Variants in CPNE6 observed in about 807,000 individuals in gnomAD.
CPNE6 encodes copine-6.
CPNE6 carries 33 observed loss-of-function variants against 71.5 expected under a neutral mutation model. The observed-to-expected ratio is 0.46, with a 90% CI of 0.35 to 0.62. The LOEUF (loss-of-function observed/expected upper bound fraction) is 0.62. Ranked by LOEUF, CPNE6 falls within the 20% of genes least tolerant of loss-of-function variation. CPNE6 has a pLI of 0.00. For synonymous variants in CPNE6, 296 were observed against 293.0 expected (o/e 1.01, Z -0.10); for missense variants, 576 against 747.3 (o/e 0.77, Z 2.67).
At chr14:24,076,913 C>T in exon 15 of CPNE6, 1 of 1,613,500 alleles carries the variant, frequency 6.2e-7, no homozygotes, top group Admixed American at 1.7e-5. Context: ...ACCGTCGTTG[C>T]CTGCCCCAGA....
At position 24,076,145 on chromosome 14, in the gene CPNE6, C is replaced by T. The variant is rs1331933201; in HGVS notation, c.925-4C>T. ...AGCATGACCTTCTTCCCACCCCCACCCAGGTGGCCATTGACTTCACCGCCT... is the reference window on the plus strand; with the variant it reads ...AGCATGACCTTCTTCCCACCCCCACTCAGGTGGCCATTGACTTCACCGCCT... On this transcript the variant is annotated splice_polypyrimidine_tract_variant and splice_region_variant and intron_variant, in intron 11 of 17. Coordinates refer to ENST00000397016, the Ensembl canonical transcript of CPNE6. The T allele has an allele frequency of 1.2e-6, 2 of 1,612,688 alleles. No homozygotes were observed. Among genetic ancestry groups the T allele is most frequent in the Admixed American group, 3.3e-5 (2 of 59,946 alleles).
In CPNE6 at chr14:24,074,242, C is replaced by A; in HGVS notation, c.424-49C>A. On this transcript the variant is annotated intron_variant, in intron 5 of 17. Coordinates refer to ENST00000397016, the Ensembl canonical transcript of CPNE6. This position sits in a 1 kb window ranked among gnomAD's most constrained non-coding sequence, Gnocchi z 4.5. The stretch of plus-strand genomic sequence containing the variant: ...ACCTAAGGGAAAGGGGATGGGGTGG[C>A]CCTTGTGGTAAGGTTAGGGGAGTCC... The A allele has an allele frequency of 1.3e-6, 2 of 1,598,160 alleles. No homozygotes were observed. The highest frequency in any genetic ancestry group is 1.7e-4 in the Middle Eastern group (1 of 6,024).
In CPNE6 at chr14:24,072,921, C is replaced by T; in HGVS notation, c.-4-12C>T. 3 of 1,547,408 alleles carry T rather than the reference C, an allele frequency of 1.9e-6. No homozygotes were observed. The highest frequency in any genetic ancestry group is 1.7e-6 in the Non-Finnish European group (2 of 1,148,988). On this transcript the variant is annotated splice_polypyrimidine_tract_variant and intron_variant, in intron 2 of 17. Transcript: ENST00000397016. Reference sequence around the variant, plus strand: ...CTTTCCAGAGTCCAGGCCACCTGCTCTGTCCCCACAGTGACATGTCGGACC... The same window carrying T: ...CTTTCCAGAGTCCAGGCCACCTGCTTTGTCCCCACAGTGACATGTCGGACC...
Position 24,077,573 on chromosome 14 carries a change from C to T in CPNE6, c.1537-20C>T, listed in dbSNP as rs1342838238. On this transcript the variant is annotated intron_variant, in intron 16 of 17. Transcript: ENST00000397016. This position sits in a 1 kb window ranked among gnomAD's most constrained non-coding sequence, Gnocchi z 6.1. ...CTACTCTTCCTCTCACCCCTAACCA[C>T]ATCACTGTCCCCACCCTAGGCTGCC... 1.9e-6 allele frequency: 3 copies of T among 1,579,698 alleles called. No individual in the cohort carries two copies. Among genetic ancestry groups the T allele is most frequent in the East Asian group, 2.2e-5 (1 of 44,552 alleles).
At chr14:24,076,799 A>C (rs199803773) in intron 14 of CPNE6, 80 bp from the exon 14 acceptor site, 168 of 1,598,170 alleles carry the variant, frequency 1.1e-4, no homozygotes, top group Non-Finnish European at 1.3e-4. Context: ...TCAGACCTGG[A>C]AGCATTTCCT....
At chr14:24,076,523 T>G (rs748518280) in exon 14 of CPNE6, 8 of 1,614,098 alleles carry the variant, frequency 5.0e-6, no homozygotes, top group Middle Eastern at 1.6e-4. Context: ...ATGACTTTGC[T>G]ATCAACTTTG....
Position 24,073,802 on chromosome 14 carries a change from C to T in CPNE6, c.348+124C>T, listed in dbSNP as rs569133434. 3.3e-4 allele frequency: 344 copies of T among 1,043,144 alleles called. No individual in the cohort carries two copies. Among genetic ancestry groups the T allele is most frequent in the Non-Finnish European group, 3.6e-4 (257 of 718,414 alleles). The allele number at this position is 1,043,144 out of a possible 1,614,324, so 64.6% of individuals were successfully genotyped here. ...AACCCAGCCTTGGCTCCCATCTCTG[C>T]CATTCACTAGCTGTGCAGCCTCAGG... is the stretch of plus-strand genomic sequence containing the variant. On this transcript the variant is annotated intron_variant, in intron 4 of 17. Transcript: ENST00000397016. This position sits in a 1 kb window ranked among gnomAD's most constrained non-coding sequence, Gnocchi z 5.5.
intron 11 of CPNE6, 73 bp from the exon 11 acceptor site, chr14:24,076,076 G>A (rs1040459405): frequency 1.2e-5 from 19 of 1,584,722 alleles, no homozygotes; most frequent in Non-Finnish European, 1.6e-5. Flanking sequence ...CCTCCCTACA[G>A]ATCCCAGCTC....
At position 24,073,741 on chromosome 14, in the gene CPNE6, C is replaced by CAAAA. The variant is rs1347711239; in HGVS notation, c.348+65_348+68dup. The CAAAA allele has an allele frequency of 6.6e-7, 1 of 1,524,746 alleles. No individual in the cohort carries two copies. The highest frequency in any genetic ancestry group is 2.3e-5 in the East Asian group (1 of 44,222). The allele number at this position is 1,524,746 out of a possible 1,614,324, so 94.5% of individuals were successfully genotyped here. ...CTCCATCAGCTTTGCCTCTGGAAGC[C>CAAAA]AAAAAGAGAGAAAACATGAGCTCTA... is the stretch of plus-strand genomic sequence containing the variant. On this transcript the variant is annotated intron_variant, in intron 4 of 17. Coordinates refer to ENST00000397016, the Ensembl canonical transcript of CPNE6. The surrounding 1 kb of genome is among the most constrained non-coding windows in gnomAD (Gnocchi z 5.5).
In CPNE6 at chr14:24,074,255, G is replaced by T; in HGVS notation, c.424-36G>T. ...GGGATGGGGTGGCCCTTGTGGTAAG[G>T]TTAGGGGAGTCCTGCCACTTGTATC... On this transcript the variant is annotated intron_variant, in intron 5 of 17. Coordinates refer to ENST00000397016, the Ensembl canonical transcript of CPNE6. The surrounding 1 kb of genome is among the most constrained non-coding windows in gnomAD (Gnocchi z 4.5). 1 of 1,601,306 alleles carries T rather than the reference G, an allele frequency of 6.2e-7. No individual in the cohort carries two copies. Among genetic ancestry groups the T allele is most frequent in the Non-Finnish European group, 8.5e-7 (1 of 1,170,634 alleles).
rs766215303 is a variant in CPNE6, at chr14:24,077,332, G to A, written c.1478G>A (p.Arg493Gln). 1.5e-5 allele frequency: 25 copies of A among 1,613,654 alleles called. No individual in the cohort carries two copies. Among genetic ancestry groups the A allele is most frequent in the African/African-American group, 6.7e-5 (5 of 74,850 alleles). The stretch of plus-strand genomic sequence containing the variant: ...GACGACGGCCCCTTGCGCTGCCCCC[G>A]AGGGGTGCCTGCAGCCCGAGACATT... The change falls in exon 16 of 18, where the codon CGA (arginine) becomes CAA (glutamine). Residue 493 changes from arginine (R) to glutamine (Q), a missense_variant. By Grantham distance (43) the Arg-to-Gln change is conservative. Transcript: ENST00000397016. The surrounding 1 kb of genome is among the most constrained non-coding windows in gnomAD (Gnocchi z 6.1).
chr14:24,072,727 G>A (rs912254936), intron 2 of CPNE6: 12 of 426,728 alleles, frequency 2.8e-5, no homozygotes, highest in African/African-American at 1.0e-4. Context: ...CAGCAGCACA[G>A]GGCTTCTGAG....
In CPNE6 at chr14:24,074,388, C is replaced by A. The variant is rs1388097162; in HGVS notation, c.498+23C>A. On this transcript the variant is annotated intron_variant, in intron 6 of 17. Coordinates refer to ENST00000397016, the Ensembl canonical transcript of CPNE6. This position sits in a 1 kb window ranked among gnomAD's most constrained non-coding sequence, Gnocchi z 4.5. ...AAGGTTGGAACCCCAGAGTCCAGGC[C>A]CCCAACTCCCCTGTCACTCCTAGGC... The A allele has an allele frequency of 6.5e-7, 1 of 1,549,050 alleles. No individual in the cohort carries two copies. Among genetic ancestry groups the A allele is most frequent in the South Asian group, 1.3e-5 (1 of 79,800 alleles).
chr14:24,071,527 G>GCC, exon 2 of CPNE6: 12 of 537,002 alleles, frequency 2.2e-5, no homozygotes, highest in South Asian at 4.1e-5. Context: ...CCCCATCCAG[G>GCC]CCCCATAAAT....
rs1264151374 is a variant in CPNE6, at chr14:24,075,297, C to T, written c.777+21C>T. On this transcript the variant is annotated intron_variant, in intron 9 of 17. Coordinates refer to ENST00000397016, the Ensembl canonical transcript of CPNE6. The surrounding 1 kb of genome is among the most constrained non-coding windows in gnomAD (Gnocchi z 4.3). ...AGGAGGTGCCACAAATACCCCACCC[C>T]CAGAATCCCACCCAGATCCCTGGGA... 6.3e-7 allele frequency: 1 copy of T among 1,586,240 alleles called. No homozygotes were observed. The highest frequency in any genetic ancestry group is 1.7e-5 in the Admixed American group (1 of 59,980).
Position 24,077,437 on chromosome 14 carries a change from A to C in CPNE6, c.1536+47A>C, listed in dbSNP as rs2036124964. ...CGGCTGAAGGACTCCTCAGCTTCTCATCCCCCCAAATCTGACCTTCGTCTT... is the reference window on the plus strand; with the variant it reads ...CGGCTGAAGGACTCCTCAGCTTCTCCTCCCCCCAAATCTGACCTTCGTCTT... On this transcript the variant is annotated intron_variant, in intron 16 of 17. Coordinates refer to ENST00000397016, the Ensembl canonical transcript of CPNE6. This position sits in a 1 kb window ranked among gnomAD's most constrained non-coding sequence, Gnocchi z 6.1. 2.5e-6 allele frequency: 4 copies of C among 1,583,942 alleles called. No homozygotes were observed. The highest frequency in any genetic ancestry group is 3.5e-6 in the Non-Finnish European group (4 of 1,153,228).
In CPNE6 at chr14:24,077,423, C is replaced by A; in HGVS notation, c.1536+33C>A. 6.3e-7 allele frequency: 1 copy of A among 1,589,638 alleles called. No individual in the cohort carries two copies. Among genetic ancestry groups the A allele is most frequent in the Non-Finnish European group, 8.6e-7 (1 of 1,157,906 alleles). ...CCCCGGGCCCCTTCCGGCTGAAGGA[C>A]TCCTCAGCTTCTCATCCCCCCAAAT... is the stretch of plus-strand genomic sequence containing the variant. On this transcript the variant is annotated intron_variant, in intron 16 of 17. Coordinates refer to ENST00000397016, the Ensembl canonical transcript of CPNE6. The surrounding 1 kb of genome is among the most constrained non-coding windows in gnomAD (Gnocchi z 6.1).
At position 24,077,017 on chromosome 14, in the gene CPNE6, G is replaced by C; in HGVS notation, c.1299+5G>C. On this transcript the variant is annotated splice_donor_5th_base_variant and intron_variant, in intron 15 of 17. Coordinates refer to ENST00000397016, the Ensembl canonical transcript of CPNE6. This position sits in a 1 kb window ranked among gnomAD's most constrained non-coding sequence, Gnocchi z 6.1. The stretch of plus-strand genomic sequence containing the variant: ...CAGAGCACCGGCCAAGCCACGGTAG[G>C]AAGACATGGCGGGCAAACAGGAGCT... 1.2e-6 allele frequency: 2 copies of C among 1,609,362 alleles called. No homozygotes were observed. Among genetic ancestry groups the C allele is most frequent in the Non-Finnish European group, 1.7e-6 (2 of 1,179,998 alleles).
Position 24,074,980 on chromosome 14 carries a change from A to G in CPNE6, c.672+185A>G, listed in dbSNP as rs115460761. Among the ~76,000 whole-genome samples, 356 of 152,292 alleles carry G rather than the reference A, an allele frequency of 2.3e-3. 1 individual carries two copies. The highest frequency in any genetic ancestry group is 8.0e-3 in the African/African-American group (332 of 41,546). On this transcript the variant is annotated intron_variant, in intron 8 of 17. Transcript: ENST00000397016. This position sits in a 1 kb window ranked among gnomAD's most constrained non-coding sequence, Gnocchi z 4.5. ...ACATGTGTGCATTTTATCAGTGGCC[A>G]AAGTCCCTAGCAGACTGAGCCAAAG... is the stretch of plus-strand genomic sequence containing the variant.
Sources: allele counts gnomAD v4.1 joint callset (sites outside exome capture counted in the v4.1 genomes callset), GRCh38; gene constraint gnomAD v4.1.1; non-coding constraint Gnocchi (gnomAD v3.1); transcripts MANE v1.5; gene names NCBI Gene and HGNC (gene_info 2026-07-23, HGNC 2026-07-21).